Variants in PDZRN4 observed in about 807,000 individuals in gnomAD.
The protein encoded by PDZRN4 is PDZ domain containing ring finger 4.
In PDZRN4, 70 loss-of-function variants were observed where a neutral mutation model predicts 99.0. That is an observed-to-expected ratio of 0.71 (90% CI 0.58 to 0.86). The LOEUF is 0.86. PDZRN4 is among the 40% of genes least tolerant of loss of function. PDZRN4 has a pLI of 0.00. For missense variants in PDZRN4, 1,474 were observed against 1,331.2 expected (o/e 1.11, Z -1.67); for synonymous variants, 551 against 501.6 (o/e 1.10, Z -1.32).
chr12:41,297,762 G>A (rs1349605954), intron 3 of PDZRN4, among the ~76,000 whole-genome samples: 1 of 152,126 alleles, frequency 6.6e-6, no homozygotes, highest in Non-Finnish European at 1.5e-5. Flanking sequence ...CTAAGCCCTT[G>A]TCCATGTGAT....
At chr12:41,337,492 C>T (rs116273153) in intron 3 of PDZRN4, among the ~76,000 whole-genome samples, 1 of 152,116 alleles carries the variant, frequency 6.6e-6, no homozygotes, top group African/African-American at 2.4e-5. Context: ...CCAACCTTGC[C>T]CTGAACATTG....
intron 3 of PDZRN4, among the ~76,000 whole-genome samples, chr12:41,500,797 C>T (rs1938095597): frequency 6.6e-6 from 1 of 152,018 alleles, no homozygotes; most frequent in Admixed American, 6.6e-5. Flanking sequence ...TTGTATATGA[C>T]AAGTGTTTTG....
At chr12:41,257,896 T>C (rs1207827996) in intron 3 of PDZRN4, among the ~76,000 whole-genome samples, 1 of 152,224 alleles carries the variant, frequency 6.6e-6, no homozygotes, top group Non-Finnish European at 1.5e-5. Context: ...AACAGTAATA[T>C]TAGAAGGTAA....
chr12:41,342,744 T>TA (rs1565557052), intron 3 of PDZRN4, among the ~76,000 whole-genome samples: 1 of 151,910 alleles, frequency 6.6e-6, no homozygotes. Flanking sequence ...AGAGAACACT[T>TA]ACACACTGTT....
At chr12:41,446,818 T>G (rs1952732844) in intron 3 of PDZRN4, among the ~76,000 whole-genome samples, 1 of 151,426 alleles carries the variant, frequency 6.6e-6, no homozygotes, top group Non-Finnish European at 1.5e-5. Flanking sequence ...GTGGATATTA[T>G]TCCCAATGGC....
At chr12:41,474,727 T>A (rs1953024171) in intron 3 of PDZRN4, among the ~76,000 whole-genome samples, 2 of 152,118 alleles carry the variant, frequency 1.3e-5, no homozygotes, top group South Asian at 4.1e-4. Flanking sequence ...TAATCTGAGA[T>A]GACTGAGGCC....
At chr12:41,458,946 A>G (rs1015559684) in intron 3 of PDZRN4, among the ~76,000 whole-genome samples, 3 of 152,154 alleles carry the variant, frequency 2.0e-5, no homozygotes, top group Non-Finnish European at 4.4e-5. Context: ...GAGGATGGAC[A>G]TTGGCACTGA....
At chr12:41,434,716 A>G (rs369575377) in intron 3 of PDZRN4, among the ~76,000 whole-genome samples, 8 of 152,326 alleles carry the variant, frequency 5.3e-5, no homozygotes, top group Non-Finnish European at 8.8e-5. Flanking sequence ...AAAATAAGTA[A>G]CTATATCTTG....
At chr12:41,559,424 G>T (rs1174135156) in intron 7 of PDZRN4, among the ~76,000 whole-genome samples, 1 of 152,120 alleles carries the variant, frequency 6.6e-6, no homozygotes, top group Non-Finnish European at 1.5e-5. Context: ...TCACAAAATT[G>T]CAGTGCTGAA....
At chr12:41,361,077 C>A (rs1474596643) in intron 3 of PDZRN4, among the ~76,000 whole-genome samples, 1 of 151,776 alleles carries the variant, frequency 6.6e-6, no homozygotes, top group African/African-American at 2.4e-5. Context: ...TTTTCCTTTG[C>A]CTTTACAGCA....
chr12:41,559,839 A>T (rs12230351), intron 7 of PDZRN4, among the ~76,000 whole-genome samples: 6 of 152,076 alleles, frequency 3.9e-5, no homozygotes, highest in African/African-American at 1.2e-4. Flanking sequence ...TGTTCTCGTG[A>T]TAGTGAGTGA....
At chr12:41,451,752 C>G (rs1952775634) in intron 3 of PDZRN4, among the ~76,000 whole-genome samples, 1 of 152,160 alleles carries the variant, frequency 6.6e-6, no homozygotes, top group Admixed American at 6.5e-5. Flanking sequence ...ACATGATCAC[C>G]AGGTCCCCTC....
intron 3 of PDZRN4, among the ~76,000 whole-genome samples, chr12:41,430,057 C>T (rs182630283): frequency 7.5e-4 from 114 of 152,270 alleles, no homozygotes; most frequent in Non-Finnish European, 6.9e-4. Context: ...GTAGTCGTGA[C>T]TAGACCAAAA....
intron 3 of PDZRN4, among the ~76,000 whole-genome samples, chr12:41,194,997 A>C (rs1322762156): frequency 6.6e-6 from 1 of 152,164 alleles, no homozygotes; most frequent in Non-Finnish European, 1.5e-5. Flanking sequence ...TTTTATATGA[A>C]AGAAAAAGAG....
chr12:41,238,688 C>T (rs1282565849), intron 3 of PDZRN4, among the ~76,000 whole-genome samples: 1 of 144,054 alleles, frequency 6.9e-6, no homozygotes, highest in African/African-American at 2.6e-5. Flanking sequence ...CCATCTCATA[C>T]CAGTCAGAAT....
chr12:41,573,894 A>G lies in PDZRN4; in HGVS notation c.*4A>G. 6.5e-7 allele frequency: 1 copy of G among 1,528,364 alleles called. No homozygotes were observed. The highest frequency in any genetic ancestry group is 2.3e-5 in the East Asian group (1 of 44,252). The allele number at this position is 1,528,364 out of a possible 1,614,324, so 94.7% of individuals were successfully genotyped here. A position where few individuals can be genotyped will look rare whatever the true frequency, so the allele number is the denominator to read the frequency against. ...CTTGTCGGTGACCACTGTATGACCG[A>G]ATGAATGGAATGCATGCGACTGATT... is the stretch of plus-strand genomic sequence containing the variant. On this transcript the variant is annotated 3_prime_UTR_variant, in exon 10 of 10. Coordinates refer to ENST00000402685, the MANE Select transcript of PDZRN4 (RefSeq NM_001164595.2).
Position 41,281,066 on chromosome 12 carries a change from G to GAGCATGTTC in PDZRN4, c.843+86878_843+86879insAGCATGTTC, listed in dbSNP as rs1190042175. Among the ~76,000 whole-genome samples, 136 of 148,630 alleles carry GAGCATGTTC rather than the reference G, an allele frequency of 9.2e-4. 2 individuals are homozygous for GAGCATGTTC. The highest frequency in any genetic ancestry group is 3.6e-3 in the Middle Eastern group (1 of 280). On this transcript the variant is annotated intron_variant, in intron 3 of 9. Transcript: ENST00000402685. The stretch of plus-strand genomic sequence containing the variant: ...TGCATCCTCTGCTGGTGATACCCAG[G>GAGCATGTTC]TAAACAGGGTCTGGAGTGGACCCAC...
chr12:41,355,463 G>A (rs1378929930), intron 3 of PDZRN4, among the ~76,000 whole-genome samples: 1 of 152,012 alleles, frequency 6.6e-6, no homozygotes, highest in Non-Finnish European at 1.5e-5. Context: ...ATTACAATGA[G>A]AAGGAAATCA....
chr12:41,544,081 A>G (rs577733675), intron 5 of PDZRN4, among the ~76,000 whole-genome samples: 92 of 152,354 alleles, frequency 6.0e-4, no homozygotes, highest in Admixed American at 1.7e-3. Flanking sequence ...TAAATGAAAC[A>G]TTATTCACAA....
Sources: gnomAD v4.1 joint callset for allele counts (sites outside exome capture counted in the v4.1 genomes callset) on GRCh38, gnomAD v4.1.1 for gene constraint, MANE v1.5 for transcripts, NCBI Gene and HGNC (gene_info 2026-07-23, HGNC 2026-07-21) for gene names.